AFG2A: variants seen among roughly 807,000 people sequenced by gnomAD.
AFG2A encodes ATPase family gene 2 protein homolog A.
the AFG2A span, chr4:122,928,996 A>G: frequency 1.9e-6 from 3 of 1,589,136 alleles, no homozygotes; most frequent in Middle Eastern, 1.7e-4. Flanking sequence ...ATGGTATTCT[A>G]TGAATATTTA....
chr4:123,306,648 C>T, the AFG2A span, among the ~76,000 whole-genome samples: 13 of 152,038 alleles, frequency 8.6e-5, no homozygotes, highest in East Asian at 7.7e-4. Flanking sequence ...CTCTGCCTCC[C>T]GGGTTCAAGT....
chr4:123,193,897 T>G, the AFG2A span, among the ~76,000 whole-genome samples: 6 of 152,160 alleles, frequency 3.9e-5, no homozygotes, highest in African/African-American at 1.4e-4. Flanking sequence ...CACACAGCCT[T>G]ACATTTTTAA....
At chr4:122,994,622 C>A in the AFG2A span, among the ~76,000 whole-genome samples, 1 of 151,924 alleles carries the variant, frequency 6.6e-6, no homozygotes, top group East Asian at 1.9e-4. Context: ...CCTTTGGATT[C>A]TAGTTTTCAG....
the AFG2A span, among the ~76,000 whole-genome samples, chr4:123,016,947 C>T: frequency 6.6e-6 from 1 of 152,162 alleles, no homozygotes; most frequent in African/African-American, 2.4e-5. Context: ...CAGCGAAACC[C>T]CGTCTCCACC....
the AFG2A span, among the ~76,000 whole-genome samples, chr4:122,927,333 CT>C: frequency 6.9e-6 from 1 of 145,888 alleles, no homozygotes; most frequent in Non-Finnish European, 1.6e-5. Context: ...CTCAGAGACT[CT>C]CTTTTGCAAT....
chr4:122,935,829 T>C, the AFG2A span: 1 of 1,608,820 alleles, frequency 6.2e-7, no homozygotes, highest in Non-Finnish European at 8.5e-7. Context: ...TTAATGGTCC[T>C]GAAATTATAA....
chr4:123,313,833 A>C, the AFG2A span: 1 of 1,455,324 alleles, frequency 6.9e-7, no homozygotes, highest in Non-Finnish European at 9.2e-7. Context: ...ATGTTTCTAA[A>C]AGAGTACTGA....
chr4:123,038,414 C>T, the AFG2A span, among the ~76,000 whole-genome samples: 2 of 152,098 alleles, frequency 1.3e-5, no homozygotes, highest in East Asian at 3.8e-4. Context: ...TATGACATCA[C>T]AGCTTATGAT....
chr4:123,236,401 T>A, the AFG2A span, among the ~76,000 whole-genome samples: 4 of 152,226 alleles, frequency 2.6e-5, no homozygotes, highest in East Asian at 7.7e-4. Context: ...TCTTGTTTTT[T>A]AACGCTTGAA....
the AFG2A span, among the ~76,000 whole-genome samples, chr4:123,286,000 A>G: frequency 4.6e-5 from 7 of 152,118 alleles, no homozygotes; most frequent in African/African-American, 1.4e-4. Context: ...TTTGTTTCTC[A>G]TATGTCAGTT....
At chr4:123,105,522 T>C in the AFG2A span, among the ~76,000 whole-genome samples, 10 of 152,142 alleles carry the variant, frequency 6.6e-5, no homozygotes, top group African/African-American at 2.2e-4. Flanking sequence ...GCTGCTGTAA[T>C]AGTAGATATG....
At chr4:122,960,828 A>G in the AFG2A span, among the ~76,000 whole-genome samples, 3 of 152,174 alleles carry the variant, frequency 2.0e-5, no homozygotes, top group Admixed American at 6.5e-5. Flanking sequence ...ACAGGGATTT[A>G]TGGAGCATCT....
the AFG2A span, among the ~76,000 whole-genome samples, chr4:123,045,646 A>G: frequency 6.6e-6 from 1 of 152,098 alleles, no homozygotes; most frequent in African/African-American, 2.4e-5. Context: ...CATTCTTCTC[A>G]TTGCATTCTA....
chr4:123,123,640 T>C, the AFG2A span, among the ~76,000 whole-genome samples: 1 of 152,024 alleles, frequency 6.6e-6, no homozygotes, highest in Non-Finnish European at 1.5e-5. Flanking sequence ...CCAGTTAGAA[T>C]GGCGATCATT....
At chr4:122,935,874 C>G in the AFG2A span, 24 of 1,554,428 alleles carry the variant, frequency 1.5e-5, no homozygotes, top group Non-Finnish European at 2.1e-5. Flanking sequence ...AGTAAACTTA[C>G]TATTAAATAT....
chr4:123,022,505 G>A, the AFG2A span, among the ~76,000 whole-genome samples: 138 of 150,494 alleles, frequency 9.2e-4, no homozygotes, highest in African/African-American at 3.2e-3. Context: ...ACACCAGTTA[G>A]AATGGCAATC....
chr4:123,153,217 T>C, the AFG2A span, among the ~76,000 whole-genome samples: 1 of 152,202 alleles, frequency 6.6e-6, no homozygotes, highest in Non-Finnish European at 1.5e-5. Flanking sequence ...TTCGAACTCT[T>C]CCACATGGCC....
At chr4:123,170,259 C>A in the AFG2A span, among the ~76,000 whole-genome samples, 284 of 152,238 alleles carry the variant, frequency 1.9e-3, no homozygotes, top group Non-Finnish European at 2.9e-3. Context: ...AGACTTACCC[C>A]ATCACTGGGG....
At chr4:123,211,881 A>C in the AFG2A span, among the ~76,000 whole-genome samples, 3 of 152,112 alleles carry the variant, frequency 2.0e-5, no homozygotes, top group African/African-American at 7.2e-5. Flanking sequence ...ACAAGCAAGA[A>C]AGTGTAATCC....
Sources: allele counts gnomAD v4.1 joint callset (sites outside exome capture counted in the v4.1 genomes callset), GRCh38; gene constraint gnomAD v4.1.1; transcripts MANE v1.5; gene names NCBI Gene and HGNC (gene_info 2026-07-23, HGNC 2026-07-21).